CDH23: variants seen among roughly 807,000 people sequenced by gnomAD.
CDH23 encodes the protein cadherin related 23.
Under a neutral mutation model 317.1 loss-of-function variants are expected in CDH23, and 189 were observed. The observed-to-expected ratio is 0.60, with a 90% CI of 0.53 to 0.67. CDH23 has a LOEUF of 0.67. Among genes scored for constraint, CDH23 ranks in the 30% least tolerant of loss-of-function variants. CDH23 has a pLI of 0.00. For missense variants in CDH23, 4,401 were observed against 4,592.4 expected, an observed-to-expected ratio of 0.96 and a Z score of 1.20; for synonymous variants, 1,839 against 1,876.8, an observed-to-expected ratio of 0.98 and a Z score of 0.52.
intron 38 of CDH23, among the ~76,000 whole-genome samples, chr10:71,754,783 T>C (rs945190252): frequency 1.3e-5 from 2 of 152,224 alleles, no homozygotes. Flanking sequence ...GGTGGACTTC[T>C]ATTCCCTGGA....
In CDH23 at chr10:71,782,305, C is replaced by T. The variant is rs960488645; in HGVS notation, c.5369-1982C>T. The stretch of plus-strand genomic sequence containing the variant: ...CACCCTCCCTGAAAGCTCCCCGTTC[C>T]TTCAGAGGCCTGCCTGGGCTCCCTT... On this transcript the variant is annotated intron_variant, in intron 41 of 69. Coordinates refer to ENST00000224721, the MANE Select transcript of CDH23 (RefSeq NM_022124.6). 2.0e-5 allele frequency among the ~76,000 whole-genome samples: 3 copies of T among 152,346 alleles called. No individual in the cohort carries two copies. In the East Asian group the frequency reaches 5.8e-4, roughly 29 times the overall value.
intron 6 of CDH23, among the ~76,000 whole-genome samples, chr10:71,564,304 C>A (rs1186057099): frequency 2.6e-5 from 4 of 152,242 alleles, no homozygotes; most frequent in Admixed American, 2.0e-4. Context: ...CCCGCATCTA[C>A]TTCCCTGATA....
chr10:71,581,220 C>T (rs576620619), intron 9 of CDH23, among the ~76,000 whole-genome samples: 1 of 152,370 alleles, frequency 6.6e-6, no homozygotes, highest in East Asian at 1.9e-4. Flanking sequence ...CCGGTAGGGG[C>T]CTGCCCCAGC....
chr10:71,736,789 C>T (rs1839579456), intron 34 of CDH23, among the ~76,000 whole-genome samples: 1 of 152,166 alleles, frequency 6.6e-6, no homozygotes, highest in African/African-American at 2.4e-5. Flanking sequence ...CCTTGCCTTC[C>T]TAAGTGTACG....
chr10:71,753,697 C>A, intron 38 of CDH23: 1 of 451,676 alleles, frequency 2.2e-6, no homozygotes. Context: ...TTCCCTCTTT[C>A]ATGCAGCACC....
In CDH23 at chr10:71,462,189, G is replaced by C. The variant is rs182200491; in HGVS notation, c.145+15794G>C. ...ATGGGGGAAGGCAGGCCCGGGAGGC[G>C]AGGTGCTGAGATGCCCAGTGCAGTT... On this transcript the variant is annotated intron_variant, in intron 3 of 69. Coordinates refer to ENST00000224721, the MANE Select transcript of CDH23 (RefSeq NM_022124.6). 6.9e-3 allele frequency among the ~76,000 whole-genome samples: 1,044 copies of C among 152,346 alleles called. 17 individuals are homozygous for C. The highest frequency in any genetic ancestry group is 0.043 in the Admixed American group (657 of 15,312).
At chr10:71,404,770 GT>G (rs1306685375) in intron 1 of CDH23, among the ~76,000 whole-genome samples, 3 of 152,358 alleles carry the variant, frequency 2.0e-5, no homozygotes, top group African/African-American at 4.8e-5. Context: ...GAGGGTGGGA[GT>G]TTTTTTCTAG....
chr10:71,482,603 G>T (rs774707641), intron 3 of CDH23, among the ~76,000 whole-genome samples: 16 of 152,226 alleles, frequency 1.1e-4, no homozygotes, highest in Non-Finnish European at 2.2e-4. Flanking sequence ...AGGACCACCT[G>T]TGGGGGCACT....
intron 49 of CDH23, among the ~76,000 whole-genome samples, chr10:71,797,470 A>G (rs994055550): frequency 1.3e-5 from 2 of 152,172 alleles, no homozygotes; most frequent in Non-Finnish European, 2.9e-5. Flanking sequence ...CTGAACCCCC[A>G]GGCTGAGAGT....
chr10:71,656,065 G>A (rs1863403260), intron 14 of CDH23, among the ~76,000 whole-genome samples: 1 of 152,094 alleles, frequency 6.6e-6, no homozygotes, highest in South Asian at 2.1e-4. Flanking sequence ...TCAGTCCAAG[G>A]AGAAGATGGG....
At chr10:71,703,802 C>A (rs1386633077) in intron 24 of CDH23, among the ~76,000 whole-genome samples, 1 of 152,208 alleles carries the variant, frequency 6.6e-6, no homozygotes, top group Admixed American at 6.5e-5. Flanking sequence ...CCCGAGGAAG[C>A]CCCCAGACCG....
chr10:71,494,707 C>G lies in CDH23; in HGVS notation c.146-15375C>G, dbSNP rs144199630. Among the ~76,000 whole-genome samples, 4 of 152,316 alleles carry G rather than the reference C, an allele frequency of 2.6e-5. No individual in the cohort carries two copies. In the East Asian group the frequency reaches 7.7e-4, roughly 29 times the overall value. Reference sequence around the variant, plus strand: ...TTCAGGAGACATTCTCAGACTTGTGCAAGTACAGGGGCAGGACCTAAGCGT... The same window carrying G: ...TTCAGGAGACATTCTCAGACTTGTGGAAGTACAGGGGCAGGACCTAAGCGT... On this transcript the variant is annotated intron_variant, in intron 3 of 69. Transcript: ENST00000224721.
intron 3 of CDH23, among the ~76,000 whole-genome samples, chr10:71,499,542 A>G (rs1013652662): frequency 1.3e-5 from 2 of 151,024 alleles, no homozygotes; most frequent in African/African-American, 2.4e-5. Flanking sequence ...AGCCTAGGCA[A>G]CAAGAGTGAA....
At chr10:71,516,537 T>C (rs1007448665) in intron 6 of CDH23, among the ~76,000 whole-genome samples, 2 of 152,354 alleles carry the variant, frequency 1.3e-5, no homozygotes. Context: ...CATTTGTCAA[T>C]GAAATCAAAT....
At chr10:71,652,166 A>G (rs533608659) in intron 14 of CDH23, among the ~76,000 whole-genome samples, 1 of 152,018 alleles carries the variant, frequency 6.6e-6, no homozygotes, top group African/African-American at 2.4e-5. Context: ...CCGTGGGTAG[A>G]GCTCCACCTC....
chr10:71,782,548 A>G (rs1010817841), intron 41 of CDH23, among the ~76,000 whole-genome samples: 1 of 152,214 alleles, frequency 6.6e-6, no homozygotes, highest in Non-Finnish European at 1.5e-5. Context: ...TTGTGGAGGG[A>G]TGGGGAAGTC....
chr10:71,803,899 C>T (rs1280986240), intron 55 of CDH23, among the ~76,000 whole-genome samples: 1 of 147,118 alleles, frequency 6.8e-6, no homozygotes, highest in East Asian at 2.0e-4. Flanking sequence ...GCAGGATAAT[C>T]GCTTGAACCC....
In CDH23 at chr10:71,793,571, G is replaced by A. The variant is rs746755852; in HGVS notation, c.6643G>A (p.Val2215Met). 79 of 1,612,680 alleles carry A rather than the reference G, an allele frequency of 4.9e-5. No homozygotes were observed. The highest frequency in any genetic ancestry group is 6.4e-5 in the Non-Finnish European group (76 of 1,179,258). The change falls in exon 48 of 70, where the codon GTG becomes ATG. Residue 2215 changes from valine to methionine, a missense_variant. Around this residue, in one of 3 missense-constraint regions of CDH23, gnomAD observed 3,068 missense variants for 3,203.3 expected, o/e 0.96. Transcript: ENST00000224721. ...GCTAGAGTACCACATTGTCGGCATT[G>A]TGGCCAAGGACGACACTGATCGCCT... ...PKLEYHIVGIVAKDDTDRLVP... is the reference protein window; with the variant it reads ...PKLEYHIVGIMAKDDTDRLVP...
intron 24 of CDH23, among the ~76,000 whole-genome samples, chr10:71,703,290 G>A (rs765486573): frequency 2.6e-5 from 4 of 152,236 alleles, no homozygotes; most frequent in East Asian, 1.9e-4. Context: ...TCTGCCCTCC[G>A]GGGGCCATTC....
Sources: allele counts gnomAD v4.1 joint callset (sites outside exome capture counted in the v4.1 genomes callset), GRCh38; gene constraint gnomAD v4.1.1; regional missense constraint gnomAD v4.1.1; transcripts MANE v1.5; gene names NCBI Gene and HGNC (gene_info 2026-07-23, HGNC 2026-07-21).